Variants in ACSBG2 observed in about 807,000 individuals in gnomAD.
The protein encoded by ACSBG2 is acyl-CoA synthetase bubblegum family member 2.
Under a neutral mutation model 74.7 loss-of-function variants are expected in ACSBG2, and 62 were observed. That is an observed-to-expected ratio of 0.83 (90% confidence interval 0.68 to 1.03). The LOEUF (loss-of-function observed/expected upper bound fraction) is 1.03. Among genes scored for constraint, ACSBG2 ranks in the 50% least tolerant of loss-of-function variants. ACSBG2 has a pLI of 0.00. For missense variants in ACSBG2, 730 were observed against 817.6 expected (o/e 0.89, Z 1.31); for synonymous variants, 309 against 294.1 (o/e 1.05, Z -0.52).
At position 6,183,124 on chromosome 19, in the gene ACSBG2, C is replaced by G. The variant is rs147652076; in HGVS notation, c.1174C>G (p.His392Asp). The G allele has an allele frequency of 2.7e-3, 4,329 of 1,614,228 alleles. 13 individuals are homozygous for G. Among genetic ancestry groups the G allele is most frequent in the Non-Finnish European group, 3.4e-3 (3,980 of 1,180,038 alleles). The change falls in exon 10 of 15, where the codon CAC becomes GAC. Residue 392 changes from histidine to aspartate, a missense_variant. His to Asp is a moderately conservative substitution (Grantham distance 81, BLOSUM62 -1). Coordinates refer to ENST00000588485, the MANE Select transcript of ACSBG2 (RefSeq NM_030924.5). ...VKTSLGLDHC[H>D]SFISGTAPLN... is the part of the protein sequence containing the mutation. ...GACATCCCTTGGCTTGGATCACTGTCACTCTTTTATCAGTGGGACTGCGCC... is the reference window on the plus strand; with the variant it reads ...GACATCCCTTGGCTTGGATCACTGTGACTCTTTTATCAGTGGGACTGCGCC...
intron 3 of ACSBG2, among the ~76,000 whole-genome samples, chr19:6,150,960 A>G (rs1422413259): frequency 6.6e-6 from 1 of 151,900 alleles, no homozygotes; most frequent in African/African-American, 2.4e-5. Context: ...CTAAAAAAAC[A>G]AAAATTAGCC....
Position 6,187,240 on chromosome 19 carries a change from C to T in ACSBG2, c.1541-43C>T, listed in dbSNP as rs189163183. On this transcript the variant is annotated intron_variant, in intron 11 of 14. Coordinates refer to ENST00000588485, the MANE Select transcript of ACSBG2 (RefSeq NM_030924.5). The stretch of plus-strand genomic sequence containing the variant: ...GGCTGGTCTCAAACTGGGGGTTCCA[C>T]GTTGTCATGGCTGGACATGTACCAA... 97 of 1,611,120 alleles carry T rather than the reference C, an allele frequency of 6.0e-5. 1 individual carries two copies. In the Middle Eastern group the frequency reaches 8.3e-4, roughly 14 times the overall value.
intron 11 of ACSBG2, 46 bp from the exon 12 acceptor site, chr19:6,187,237 C>T: frequency 6.2e-7 from 1 of 1,610,642 alleles, no homozygotes; most frequent in Non-Finnish European, 8.5e-7. Context: ...ACTGGGGGTT[C>T]CACGTTGTCA....
chr19:6,179,316 T>TA (rs1555696480), intron 8 of ACSBG2, among the ~76,000 whole-genome samples: 1 of 147,924 alleles, frequency 6.8e-6, no homozygotes, highest in Admixed American at 6.7e-5. Context: ...TTTTTTTTTT[T>TA]AGAGACAAGG....
chr19:6,167,428 C>T (rs2089840652), intron 7 of ACSBG2, among the ~76,000 whole-genome samples: 1 of 152,240 alleles, frequency 6.6e-6, no homozygotes, highest in African/African-American at 2.4e-5. Flanking sequence ...CCTTAATACA[C>T]TGTCTCAGCT....
chr19:6,187,601 T>G lies in ACSBG2; in HGVS notation c.1683T>G (p.Cys561Trp), dbSNP rs773240015. The G allele has an allele frequency of 1.5e-4, 243 of 1,613,482 alleles. 3 individuals are homozygous for G. In the South Asian group the frequency reaches 2.6e-3, roughly 17 times the overall value. Residue 561 changes from cysteine (C) to tryptophan (W), a missense_variant and splice_region_variant, in exon 13 of 15, where the codon TGT becomes TGG. Transcript: ENST00000588485. The stretch of plus-strand genomic sequence containing the variant: ...GTGACAGAGGTGTCTGGGGGCAGTG[T>G]GAGATGAATCAGATGAGCGGAGAAC... ...KFLSMLLTLKCEMNQMSGEPL... is the reference protein window; with the variant it reads ...KFLSMLLTLKWEMNQMSGEPL...
At chr19:6,147,873 T>A (rs1042220016) in intron 3 of ACSBG2, among the ~76,000 whole-genome samples, 198 bp downstream of exon 3, 2 of 152,188 alleles carry the variant, frequency 1.3e-5, no homozygotes, top group African/African-American at 4.8e-5. Flanking sequence ...TTTTTGTGTG[T>A]CCTTTTGGGA....
Position 6,187,323 on chromosome 19 carries a change from T to G in ACSBG2, c.1581T>G (p.Ile527Met). 6.2e-7 allele frequency: 1 copy of G among 1,614,066 alleles called. No individual in the cohort carries two copies. The highest frequency in any genetic ancestry group is 1.1e-5 in the South Asian group (1 of 91,066). ...ITAGGENVPP[I>M]PVETLVKKKI... ...CTGGTGGTGAAAATGTGCCCCCCAT[T>G]CCTGTTGAGACCTTGGTTAAGAAGA... Residue 527 changes from isoleucine (I) to methionine (M), a missense_variant, in exon 12 of 15, where the codon ATT (isoleucine) becomes ATG (methionine). By Grantham distance (10) the Ile-to-Met change is conservative. Transcript: ENST00000588485.
At chr19:6,155,722 T>C (rs7258251) in intron 4 of ACSBG2, among the ~76,000 whole-genome samples, 51,999 of 148,174 alleles carry the variant, frequency 0.35, 11,235 homozygotes, top group East Asian at 0.64. Flanking sequence ...TCCAGGAGGT[T>C]GAGGTTGCAG....
chr19:6,176,495 AAC>A (rs146521003), intron 7 of ACSBG2: 9,646 of 929,860 alleles, frequency 0.01, no homozygotes, highest in East Asian at 0.014. Flanking sequence ...ATGAAAAAAC[AAC>A]ACACACACAC....
chr19:6,183,839 G>A (rs1055528015), intron 10 of ACSBG2, among the ~76,000 whole-genome samples: 2 of 152,104 alleles, frequency 1.3e-5, no homozygotes, highest in African/African-American at 4.8e-5. Flanking sequence ...TCACTTTGTT[G>A]CCCAGGCTGG....
At chr19:6,157,412 C>G (rs951753528) in intron 5 of ACSBG2, among the ~76,000 whole-genome samples, 2 of 152,062 alleles carry the variant, frequency 1.3e-5, no homozygotes, top group Non-Finnish European at 2.9e-5. Flanking sequence ...CAAAATTTAG[C>G]CGGGTGTGGT....
chr19:6,170,915 G>A (rs1034293667), intron 7 of ACSBG2, among the ~76,000 whole-genome samples: 1 of 151,642 alleles, frequency 6.6e-6, no homozygotes, highest in African/African-American at 2.4e-5. Flanking sequence ...GATGTTGGGA[G>A]GGTGGTTAGA....
intron 2 of ACSBG2, among the ~76,000 whole-genome samples, chr19:6,146,057 T>C (rs1388342435): frequency 6.6e-6 from 1 of 152,250 alleles, no homozygotes; most frequent in Non-Finnish European, 1.5e-5. Context: ...ATGTACATTT[T>C]ACCTTTAAAA....
chr19:6,191,200 G>A (rs964982624), intron 14 of ACSBG2: 4 of 153,126 alleles, frequency 2.6e-5, no homozygotes, highest in Non-Finnish European at 4.4e-5. Flanking sequence ...TGTGCAGAGG[G>A]AGCCTCCATG....
rs532521031 is a variant in ACSBG2, at chr19:6,160,121, T to G, written c.508-1094T>G. 1.6e-4 allele frequency among the ~76,000 whole-genome samples: 25 copies of G among 152,244 alleles called. No individual in the cohort carries two copies. In the South Asian group the frequency reaches 5.2e-3, roughly 32 times the overall value. ...AAAATCTCGCAGGGGCCGGGCGTGG[T>G]GGCTCATGCCTGTAATCCCAGCACT... On this transcript the variant is annotated intron_variant, in intron 5 of 14. Transcript: ENST00000588485.
At chr19:6,146,137 A>C (rs2089022917) in intron 2 of ACSBG2, among the ~76,000 whole-genome samples, 1 of 152,236 alleles carries the variant, frequency 6.6e-6, no homozygotes, top group Non-Finnish European at 1.5e-5. Flanking sequence ...TTTAAGGGTA[A>C]ATGGATGAAT....
chr19:6,147,762 A>G, intron 3 of ACSBG2, 87 bp downstream of exon 3: 2 of 1,424,090 alleles, frequency 1.4e-6, no homozygotes, highest in Non-Finnish European at 2.0e-6. Context: ...AAAATTCACA[A>G]GGCACCAAAA....
At chr19:6,181,819 C>T (rs2090266484) in intron 8 of ACSBG2, among the ~76,000 whole-genome samples, 1 of 121,782 alleles carries the variant, frequency 8.2e-6, no homozygotes, top group South Asian at 3.5e-4. Flanking sequence ...ACCCGCCCCC[C>T]CCCCCAACGA....
Sources: allele counts gnomAD v4.1 joint callset (sites outside exome capture counted in the v4.1 genomes callset), GRCh38; gene constraint gnomAD v4.1.1; transcripts MANE v1.5; gene names NCBI Gene and HGNC (gene_info 2026-07-23, HGNC 2026-07-21).